The following MX1 variants were observed in gnomAD, a reference collection of about 807,000 sequenced individuals.
MX1 encodes the protein interferon-induced GTP-binding protein Mx1.
In MX1, 66 loss-of-function variants were observed where a neutral mutation model predicts 66.4. The observed-to-expected ratio is 0.99, with a 90% confidence interval of 0.82 to 1.22. MX1 has a LOEUF of 1.22. MX1 is among the 50% of genes most tolerant of loss of function. The probability of loss-of-function intolerance (pLI) is 0.00; values close to 1 mark genes in which losing one functional copy is unlikely to be tolerated. For missense variants in MX1, 787 were observed against 834.3 expected, an observed-to-expected ratio of 0.94 and a Z score of 0.70; for synonymous variants, 311 against 318.1, an observed-to-expected ratio of 0.98 and a Z score of 0.24.
At position 41,452,942 on chromosome 21, in the gene MX1, T is replaced by G. The variant is rs1158896303; in HGVS notation, c.1758+73T>G. 3.8e-6 allele frequency: 6 copies of G among 1,563,146 alleles called. No individual in the cohort carries two copies. In the African/African-American group the frequency reaches 8.2e-5, roughly 21 times the overall value. On this transcript the variant is annotated intron_variant, in intron 16 of 16. Transcript: ENST00000398598. The stretch of plus-strand genomic sequence containing the variant: ...CTTCTGAACGCCTCTCTCTTTAGTC[T>G]TGCTCTCTCTGTAGGTGACGTTGGT...
intron 8 of MX1, among the ~76,000 whole-genome samples, chr21:41,440,643 C>T (rs1035174388): frequency 2.6e-5 from 4 of 152,270 alleles, no homozygotes; most frequent in Middle Eastern, 3.4e-3. Context: ...GGTTAATTAT[C>T]TGAAACTTCA....
At chr21:41,439,899 G>GTT in intron 8 of MX1, 51 bp downstream of exon 8, 1 of 1,474,570 alleles carries the variant, frequency 6.8e-7, no homozygotes, top group Non-Finnish European at 9.4e-7. Context: ...GGATGGGGGA[G>GTT]TGGAGGGGTG....
At position 41,452,623 on chromosome 21, in the gene MX1, C is replaced by A; in HGVS notation, c.1512C>A (p.Ser504=). Residue 504 remains serine, a splice_region_variant and synonymous_variant, in exon 16 of 17, where the codon TCC becomes TCA. Coordinates refer to ENST00000398598, the MANE Select transcript of MX1 (RefSeq NM_002462.5). ...EFFNLHRTAK[S]KIEDIRAEQE... is the part of the protein sequence containing the mutation. ...TATTTATTTATTTTTTACTGTAGTC[C>A]AAAATTGAAGACATTAGAGCAGAAC... 1.3e-6 allele frequency: 2 copies of A among 1,592,404 alleles called. No homozygotes were observed. Among genetic ancestry groups the A allele is most frequent in the Non-Finnish European group, 1.7e-6 (2 of 1,170,936 alleles).
chr21:41,421,602 T>C (rs990449250), upstream of MX1, among the ~76,000 whole-genome samples: 3 of 152,224 alleles, frequency 2.0e-5, no homozygotes, highest in African/African-American at 7.2e-5. Context: ...TTAAGGAGCA[T>C]GCTGCCTTCA....
At chr21:41,444,978 A>T (rs1396823120) in intron 11 of MX1, among the ~76,000 whole-genome samples, 1 of 152,224 alleles carries the variant, frequency 6.6e-6, no homozygotes, top group East Asian at 1.9e-4. Flanking sequence ...GTGAGCCAGC[A>T]TATGGCGTCA....
chr21:41,446,288 C>A, intron 13 of MX1, 147 bp downstream of exon 13: 2 of 761,500 alleles, frequency 2.6e-6, no homozygotes, highest in East Asian at 2.8e-5. Context: ...CTGGTGAGAG[C>A]TTGTTCTCTG....
rs143511638 is a variant in MX1, at chr21:41,431,891, C to T, written c.-21-159C>T. On this transcript the variant is annotated intron_variant, in intron 4 of 16. Transcript: ENST00000398598. ...TGAATAAAAAGCCAGTGAGCACACACTGTGTCCCAGGCACTCTTCTACGCT... is the reference window on the plus strand; with the variant it reads ...TGAATAAAAAGCCAGTGAGCACACATTGTGTCCCAGGCACTCTTCTACGCT... The T allele has an allele frequency of 7.0e-4, 420 of 596,670 alleles. 1 individual carries two copies. The highest frequency in any genetic ancestry group is 6.7e-3 in the African/African-American group (362 of 53,864). 37.0% of individuals were successfully genotyped at this position (596,670 alleles called of 1,614,324 possible). A position where few individuals can be genotyped will look rare whatever the true frequency, so the allele number is the denominator to read the frequency against.
chr21:41,445,721 G>A, intron 12 of MX1, 151 bp downstream of exon 12: 1 of 1,129,908 alleles, frequency 8.9e-7, no homozygotes, highest in South Asian at 1.6e-5. Flanking sequence ...GGCTGAGGGA[G>A]GCAGGGCAGG....
At chr21:41,440,230 G>A (rs1163843228) in intron 8 of MX1, among the ~76,000 whole-genome samples, 1 of 152,332 alleles carries the variant, frequency 6.6e-6, no homozygotes, top group Middle Eastern at 3.4e-3. Flanking sequence ...CACACACAGT[G>A]GCTCAGTCCT....
intron 5 of MX1, among the ~76,000 whole-genome samples, chr21:41,435,559 G>A (rs985616930): frequency 6.6e-5 from 10 of 152,176 alleles, no homozygotes; most frequent in African/African-American, 2.4e-4. Context: ...CATGGAGGAA[G>A]GCATCTCTTC....
intron 6 of MX1, 59 bp downstream of exon 6, chr21:41,436,088 A>C: frequency 1.9e-6 from 3 of 1,575,518 alleles, no homozygotes; most frequent in East Asian, 2.3e-5. Flanking sequence ...TACCACAGAC[A>C]GGGTGGCTTA....
chr21:41,443,846 G>C lies in MX1; in HGVS notation c.988G>C (p.Glu330Gln), dbSNP rs745868309. The part of the protein sequence containing the change: ...VPCLAEKLTS[E>Q]LITHICKSLP... ...CTGCCTGGCAGAAAAACTTACCAGC[G>C]AGCTCATCACACATATCTGTGTAAG... The change falls in exon 11 of 17, where the codon GAG becomes CAG. Residue 330 changes from glutamate (E) to glutamine (Q), a missense_variant. By Grantham distance (29) the Glu-to-Gln change is conservative. Transcript: ENST00000398598. The C allele has an allele frequency of 1.2e-6, 2 of 1,614,124 alleles. No homozygotes were observed. Among genetic ancestry groups the C allele is most frequent in the Middle Eastern group, 1.6e-4 (1 of 6,084 alleles).
In MX1 at chr21:41,441,165, T is replaced by G. The variant is rs2090500865; in HGVS notation, c.730+140T>G. 8.1e-7 allele frequency: 1 copy of G among 1,236,548 alleles called. No individual in the cohort carries two copies. Among genetic ancestry groups the G allele is most frequent in the South Asian group, 1.5e-5 (1 of 66,100 alleles). The allele number at this position is 1,236,548 out of a possible 1,614,324, so 76.6% of individuals were successfully genotyped here. A position where few individuals can be genotyped will look rare whatever the true frequency, so the allele number is the denominator to read the frequency against. ...CGGTGAGAATGGGGGAGCCCGCCTG[T>G]GCTCGGTGGTCTGCCAGTGGGCAAG... On this transcript the variant is annotated intron_variant, in intron 9 of 16. Coordinates refer to ENST00000398598, the MANE Select transcript of MX1 (RefSeq NM_002462.5). The surrounding 1 kb of genome is among the most constrained non-coding windows in gnomAD (Gnocchi z 4.0).
chr21:41,443,148 A>G (rs1017537314), intron 10 of MX1, among the ~76,000 whole-genome samples: 1 of 146,438 alleles, frequency 6.8e-6, no homozygotes, highest in Non-Finnish European at 1.5e-5. Flanking sequence ...TGACAGAGAA[A>G]CTGAAGCTTA....
intron 5 of MX1, among the ~76,000 whole-genome samples, chr21:41,434,642 A>C (rs926921407): frequency 6.6e-6 from 1 of 151,712 alleles, no homozygotes; most frequent in Admixed American, 6.6e-5. Context: ...TAATAAGTCA[A>C]CCTTCAAGTG....
intron 5 of MX1, among the ~76,000 whole-genome samples, chr21:41,434,067 A>G (rs1198064292): frequency 1.3e-5 from 2 of 152,218 alleles, no homozygotes; most frequent in East Asian, 1.9e-4. Flanking sequence ...AGCCCCTGCA[A>G]CAAACAATCT....
intron 3 of MX1, among the ~76,000 whole-genome samples, chr21:41,430,140 C>T (rs1227255476): frequency 6.6e-6 from 1 of 151,964 alleles, no homozygotes; most frequent in Admixed American, 6.6e-5. Context: ...ATGGCATTGG[C>T]TCAGGTGTGC....
Position 41,452,808 on chromosome 21 carries a change from C to A in MX1, c.1697C>A (p.Ser566Tyr), listed in dbSNP as rs770563471. Residue 566 changes from serine to tyrosine, a missense_variant, in exon 16 of 17, where the codon TCC becomes TAC. Physicochemically the swap from Ser to Tyr is moderately radical, Grantham distance 144 (BLOSUM62 -2). Transcript: ENST00000398598. ...TCCTGGGATTTTGGGGCTTTCCAGT[C>A]CAGCTCGGCAACAGACTCTTCCATG... Reference protein sequence around the residue: ...KKSWDFGAFQSSSATDSSMEE... With the variant: ...KKSWDFGAFQYSSATDSSMEE... 44 of 1,614,026 alleles carry A rather than the reference C, an allele frequency of 2.7e-5. No homozygotes were observed. In the Admixed American group the frequency reaches 7.3e-4, roughly 27 times the overall value.
intron 12 of MX1, 55 bp downstream of exon 12, chr21:41,445,625 G>A: frequency 1.9e-6 from 3 of 1,610,038 alleles, no homozygotes; most frequent in Non-Finnish European, 2.5e-6. Context: ...GTCAAAAAAG[G>A]GACCCTGGGC....
Sources: gnomAD v4.1 joint callset for allele counts (sites outside exome capture counted in the v4.1 genomes callset) on GRCh38, gnomAD v4.1.1 for gene constraint, Gnocchi (gnomAD v3.1) non-coding constraint, MANE v1.5 for transcripts, NCBI Gene and HGNC (gene_info 2026-07-23, HGNC 2026-07-21) for gene names.